SHISA9: variants seen among roughly 807,000 people sequenced by gnomAD.
The protein encoded by SHISA9 is protein shisa-9.
Under a neutral mutation model 38.0 loss-of-function variants are expected in SHISA9, and 13 were observed. That is an observed-to-expected ratio of 0.34 (90% CI 0.22 to 0.54). The LOEUF is 0.54. Ranked by LOEUF, SHISA9 falls within the 20% of genes least tolerant of loss-of-function variation. The probability of loss-of-function intolerance (pLI) is 0.91; values close to 1 mark genes in which losing one functional copy is unlikely to be tolerated. For synonymous variants in SHISA9, 275 were observed against 242.0 expected (o/e 1.14, Z -1.27); for missense variants, 538 against 575.8 (o/e 0.93, Z 0.67).
the SHISA9 span, among the ~76,000 whole-genome samples, chr16:13,304,201 A>G: frequency 6.6e-6 from 1 of 152,138 alleles, no homozygotes; most frequent in Non-Finnish European, 1.5e-5. Context: ...TTCAATTTCT[A>G]GTTCCAGGCT....
At chr16:12,963,219 G>A (rs914057087) in intron 2 of SHISA9, among the ~76,000 whole-genome samples, 1 of 152,212 alleles carries the variant, frequency 6.6e-6, no homozygotes, top group Non-Finnish European at 1.5e-5. Flanking sequence ...ATGTGTGCCT[G>A]TTGTGATGAG....
At chr16:12,952,756 T>A (rs2071775975) in intron 2 of SHISA9, among the ~76,000 whole-genome samples, 1 of 152,200 alleles carries the variant, frequency 6.6e-6, no homozygotes, top group Non-Finnish European at 1.5e-5. Flanking sequence ...ACCATGATTG[T>A]AAGTTTCCTG....
At chr16:13,128,424 C>G (rs1178670703) in intron 2 of SHISA9, among the ~76,000 whole-genome samples, 1 of 152,094 alleles carries the variant, frequency 6.6e-6, no homozygotes, top group Admixed American at 6.6e-5. Context: ...TCCAACCTAG[C>G]AGCTAGGAGG....
chr16:12,989,572 TTGGGAC>T (rs1302187397), intron 2 of SHISA9, among the ~76,000 whole-genome samples: 1 of 152,104 alleles, frequency 6.6e-6, no homozygotes, highest in Non-Finnish European at 1.5e-5. Flanking sequence ...CTTGAAAGGT[TTGGGAC>T]TGAGCCACCA....
chr16:13,184,620 T>C (rs2050805163), intron 2 of SHISA9, among the ~76,000 whole-genome samples: 1 of 152,214 alleles, frequency 6.6e-6, no homozygotes, highest in African/African-American at 2.4e-5. Context: ...TTCTGCACTT[T>C]TATGGCCTTT....
intron 2 of SHISA9, among the ~76,000 whole-genome samples, chr16:13,115,305 C>G (rs940089071): frequency 2.0e-5 from 3 of 152,170 alleles, no homozygotes; most frequent in African/African-American, 7.2e-5. Flanking sequence ...TCACAGCCTT[C>G]AGAGCTGAGA....
the SHISA9 span, among the ~76,000 whole-genome samples, chr16:13,498,189 C>G: frequency 5.7e-4 from 87 of 151,670 alleles, no homozygotes; most frequent in African/African-American, 2.1e-3. Context: ...AGAAAAGGAC[C>G]CTAAATGACA....
chr16:13,426,523 C>A, the SHISA9 span, among the ~76,000 whole-genome samples: 1 of 152,154 alleles, frequency 6.6e-6, no homozygotes, highest in Non-Finnish European at 1.5e-5. Flanking sequence ...TATGGCCCAC[C>A]TCATAGAGGG....
chr16:13,263,479 C>T, the SHISA9 span, among the ~76,000 whole-genome samples: 13 of 152,182 alleles, frequency 8.5e-5, no homozygotes, highest in African/African-American at 1.2e-4. Context: ...CCAAATTCCT[C>T]TTGCATTGGC....
intron 2 of SHISA9, among the ~76,000 whole-genome samples, chr16:13,103,343 A>C (rs1299143150): frequency 1.3e-5 from 2 of 152,178 alleles, no homozygotes; most frequent in East Asian, 3.8e-4. Context: ...AGCAAGCCTG[A>C]TTTATAGAGT....
chr16:13,385,435 T>G, the SHISA9 span, among the ~76,000 whole-genome samples: 11 of 151,396 alleles, frequency 7.3e-5, no homozygotes, highest in Non-Finnish European at 1.6e-4. Context: ...CTGTGGTATA[T>G]CCATACCATG....
chr16:13,506,917 C>A, the SHISA9 span, among the ~76,000 whole-genome samples: 88 of 152,050 alleles, frequency 5.8e-4, 2 homozygotes, highest in South Asian at 0.018. Context: ...GTGGTGTGCG[C>A]CTGTAGTCCC....
At chr16:13,369,507 G>A in the SHISA9 span, among the ~76,000 whole-genome samples, 1 of 151,974 alleles carries the variant, frequency 6.6e-6, no homozygotes, top group Non-Finnish European at 1.5e-5. Context: ...GTGTGGGAAG[G>A]CTGCAGAAAG....
At chr16:12,910,785 AG>A (rs1596524100) in intron 1 of SHISA9, 1 of 949,966 alleles carries the variant, frequency 1.1e-6, no homozygotes, top group East Asian at 1.2e-4. Context: ...ATTCATTATA[AG>A]GAATTGGAAG....
chr16:13,469,427 GAA>G, the SHISA9 span, among the ~76,000 whole-genome samples: 37 of 121,260 alleles, frequency 3.1e-4, no homozygotes, highest in African/African-American at 1.1e-3. Context: ...GAAAGAAAAA[GAA>G]AGAAAGAGAA....
intron 2 of SHISA9, among the ~76,000 whole-genome samples, chr16:12,956,565 C>T (rs757206978): frequency 6.6e-6 from 1 of 152,158 alleles, no homozygotes; most frequent in Non-Finnish European, 1.5e-5. Flanking sequence ...GAAATCATGT[C>T]CTTTGCAGCA....
the SHISA9 span, among the ~76,000 whole-genome samples, chr16:13,260,409 C>T: frequency 6.6e-6 from 1 of 152,142 alleles, no homozygotes; most frequent in African/African-American, 2.4e-5. Flanking sequence ...TAACAGTACC[C>T]AAGTCATCTC....
intron 4 of SHISA9, among the ~76,000 whole-genome samples, chr16:13,216,184 CAAAAAAAA>C (rs929173872): frequency 8.8e-6 from 1 of 113,044 alleles, no homozygotes; most frequent in African/African-American, 3.3e-5. Context: ...GAGACTCTGT[CAAAAAAAA>C]AAAAAAAAAA....
rs1398880032 is a variant in SHISA9 at position 13,237,997 on chromosome 16, A to C, written c.*2588A>C. 1 of 152,220 alleles carries C rather than the reference A, an allele frequency of 6.6e-6. No homozygotes were observed. Among genetic ancestry groups the C allele is most frequent in the Non-Finnish European group, 1.5e-5 (1 of 68,032 alleles). The allele number at this position is 152,220 out of a possible 1,614,324, so 9.4% of individuals were successfully genotyped here. A position where few individuals can be genotyped will look rare whatever the true frequency, so the allele number is the denominator to read the frequency against. On this transcript the variant is annotated 3_prime_UTR_variant, in exon 5 of 5. Transcript: ENST00000558583. ...CATCACAAATTTAAAAAAAATCATC[A>C]GTTGCCATAAATAGAAAGCAAACAT...
Sources: gnomAD v4.1 joint callset for allele counts (sites outside exome capture counted in the v4.1 genomes callset) on GRCh38, gnomAD v4.1.1 for gene constraint, MANE v1.5 for transcripts, NCBI Gene and HGNC (gene_info 2026-07-23, HGNC 2026-07-21) for gene names.